The following RBM14 variants were observed in gnomAD, a reference collection of about 807,000 sequenced individuals.
RBM14 encodes RNA binding motif protein 14, also known as RNA-binding protein 14.
Under a neutral mutation model 52.8 loss-of-function variants are expected in RBM14, and 5 were observed. The ratio of observed to expected loss-of-function variants is 0.09; its 90% CI spans 0.05 to 0.20. RBM14 has a LOEUF of 0.20. RBM14 is among the 10% of genes least tolerant of loss of function. The probability of loss-of-function intolerance (pLI) is 1.00; values close to 1 mark genes in which losing one functional copy is unlikely to be tolerated. For synonymous variants in RBM14, 411 were observed against 401.8 expected, an observed-to-expected ratio of 1.02 and a Z score of -0.28; for missense variants, 780 against 926.6, an observed-to-expected ratio of 0.84 and a Z score of 2.05.
At chr11:66,622,981 C>G (rs1245744624) in intron 1 of RBM14, among the ~76,000 whole-genome samples, 1 of 152,186 alleles carries the variant, frequency 6.6e-6, no homozygotes, top group Non-Finnish European at 1.5e-5. Flanking sequence ...TGAGTGTGGA[C>G]ATGAGAATTT....
intron 1 of RBM14, 27 bp downstream of exon 1, chr11:66,617,084 G>C: frequency 6.4e-7 from 1 of 1,553,424 alleles, no homozygotes. Context: ...CTCGGGGGCG[G>C]GGGCGCGCTC....
At chr11:66,623,368 C>T (rs1859206981) in intron 1 of RBM14, among the ~76,000 whole-genome samples, 1 of 152,196 alleles carries the variant, frequency 6.6e-6, no homozygotes, top group African/African-American at 2.4e-5. Context: ...ATCTTCTCTG[C>T]TTCTAAGCCT....
chr11:66,618,109 C>G (rs1328016673), intron 1 of RBM14, among the ~76,000 whole-genome samples: 1 of 152,256 alleles, frequency 6.6e-6, no homozygotes, highest in South Asian at 2.1e-4. Context: ...GAGTTTTTAT[C>G]CCTTAAGCTC....
At chr11:66,622,368 G>T (rs756646373) in intron 1 of RBM14, among the ~76,000 whole-genome samples, 1 of 151,788 alleles carries the variant, frequency 6.6e-6, no homozygotes, top group Non-Finnish European at 1.5e-5. Context: ...TGAGTAGCTG[G>T]AATTATAGGT....
chr11:66,616,993 G>T lies in RBM14; in HGVS notation c.273G>T (p.Thr91=). 6.2e-7 allele frequency: 1 copy of T among 1,612,216 alleles called. No homozygotes were observed. Among genetic ancestry groups the T allele is most frequent in the Non-Finnish European group, 8.5e-7 (1 of 1,179,464 alleles). ...TGGGCAATGTGTCGGCTGCATGCACGAGCCAGGAACTGCGCAGCCTCTTCG... is the reference window on the plus strand; with the variant it reads ...TGGGCAATGTGTCGGCTGCATGCACTAGCCAGGAACTGCGCAGCCTCTTCG... The part of the protein sequence containing the change: ...IFVGNVSAAC[T]SQELRSLFER... Residue 91 remains threonine, a synonymous_variant, in exon 1 of 3, where the codon ACG becomes ACT. Coordinates refer to ENST00000310137, the MANE Select transcript of RBM14 (RefSeq NM_006328.4).
chr11:66,626,532 G>T lies in RBM14; in HGVS notation c.1874G>T (p.Arg625Leu), dbSNP rs1427956821. The T allele has an allele frequency of 9.3e-6, 15 of 1,613,756 alleles. No individual in the cohort carries two copies. Among genetic ancestry groups the T allele is most frequent in the Non-Finnish European group, 1.3e-5 (15 of 1,180,022 alleles). ...TTATCAGAGTCGCAGCTTTCGTTCC[G>T]CCGCTCGCCGACAAAGTCCTCGCTG... is the stretch of plus-strand genomic sequence containing the variant. Reference protein sequence around the residue: ...RRLSESQLSFRRSPTKSSLDY... With the variant: ...RRLSESQLSFLRSPTKSSLDY... The change falls in exon 3 of 3, where the codon CGC becomes CTC. Residue 625 changes from arginine (R) to leucine (L), a missense_variant. Coordinates refer to ENST00000310137, the MANE Select transcript of RBM14 (RefSeq NM_006328.4).
At chr11:66,618,057 A>G in intron 1 of RBM14, among the ~76,000 whole-genome samples, 1 of 152,168 alleles carries the variant, frequency 6.6e-6, no homozygotes. Flanking sequence ...TGTCACCATA[A>G]TTTAAGCCTG....
chr11:66,618,630 C>A (rs1388136811), intron 1 of RBM14: 2 of 712,224 alleles, frequency 2.8e-6, no homozygotes, highest in East Asian at 5.4e-5. Flanking sequence ...GGGTACTTGT[C>A]CAGCAAAAGG....
chr11:66,623,279 TGGGACA>T (rs1198879611), intron 1 of RBM14, among the ~76,000 whole-genome samples: 1 of 152,232 alleles, frequency 6.6e-6, no homozygotes, highest in Admixed American at 6.5e-5. Flanking sequence ...CAGTGTGGTC[TGGGACA>T]GGGGGATTGG....
intron 1 of RBM14, among the ~76,000 whole-genome samples, chr11:66,620,037 G>T (rs1859033610): frequency 6.6e-6 from 1 of 152,210 alleles, no homozygotes; most frequent in Admixed American, 6.5e-5. Flanking sequence ...AATTAGATCT[G>T]TGGGCAAGAA....
intron 1 of RBM14, 41 bp downstream of exon 1, chr11:66,617,098 G>T (rs1436984613): frequency 2.6e-6 from 4 of 1,544,218 alleles, no homozygotes; most frequent in Middle Eastern, 1.9e-4. Flanking sequence ...CGCGCTCGGG[G>T]CACTCTGCCT....
chr11:66,624,885 T>A lies in RBM14; in HGVS notation c.1009T>A (p.Ser337Thr), dbSNP rs1208281300. ...SLNSYGAQGS[S>T]LASYGNQPSS... ...CAACTCCTATGGGGCTCAGGGTTCC[T>A]CCCTTGCCTCCTATGGTAACCAGCC... is the stretch of plus-strand genomic sequence containing the variant. Residue 337 changes from serine (S) to threonine (T), a missense_variant, in exon 2 of 3, where the codon TCC (serine) becomes ACC (threonine). Physicochemically the swap from Ser to Thr is moderately conservative, Grantham distance 58 (BLOSUM62 1). Transcript: ENST00000310137. This position sits in a 1 kb window ranked among gnomAD's most constrained non-coding sequence, Gnocchi z 4.7. The A allele has an allele frequency of 1.2e-6, 2 of 1,613,330 alleles. No individual in the cohort carries two copies. Among genetic ancestry groups the A allele is most frequent in the East Asian group, 2.2e-5 (1 of 44,836 alleles).
At position 66,627,045 on chromosome 11, in the gene RBM14, C is replaced by CT. The variant is rs1937852121; in HGVS notation, c.*382dup. The CT allele has an allele frequency of 5.5e-6, 1 of 180,352 alleles. No individual in the cohort carries two copies. Among genetic ancestry groups the CT allele is most frequent in the Admixed American group, 5.8e-5 (1 of 17,176 alleles). The allele number at this position is 180,352 out of a possible 1,614,324, so 11.2% of individuals were successfully genotyped here. A position where few individuals can be genotyped will look rare whatever the true frequency, so the allele number is the denominator to read the frequency against. Reference sequence around the variant, plus strand: ...CAGCTGAGGTCGCCGGCGCCTTTTTCTTTTTAGATGGGAAGGAGGCCAGGA... The same window carrying CT: ...CAGCTGAGGTCGCCGGCGCCTTTTTCTTTTTTAGATGGGAAGGAGGCCAGGA... On this transcript the variant is annotated 3_prime_UTR_variant, in exon 3 of 3. Transcript: ENST00000310137.
At position 66,624,699 on chromosome 11, in the gene RBM14, G is replaced by T; in HGVS notation, c.823G>T (p.Ala275Ser). The T allele has an allele frequency of 1.2e-6, 2 of 1,613,740 alleles. No homozygotes were observed. Among genetic ancestry groups the T allele is most frequent in the East Asian group, 4.5e-5 (2 of 44,852 alleles). ...PMTAQAASYR[A>S]QPSVSLGAPY... Reference sequence around the variant, plus strand: ...GACAGCCCAGGCAGCCTCTTACCGCGCTCAGCCCTCTGTCTCCCTTGGGGC... The same window carrying T: ...GACAGCCCAGGCAGCCTCTTACCGCTCTCAGCCCTCTGTCTCCCTTGGGGC... Residue 275 changes from alanine to serine, a missense_variant, in exon 2 of 3, where the codon GCT becomes TCT. Physicochemically the swap from Ala to Ser is moderately conservative, Grantham distance 99. Coordinates refer to ENST00000310137, the MANE Select transcript of RBM14 (RefSeq NM_006328.4). This position sits in a 1 kb window ranked among gnomAD's most constrained non-coding sequence, Gnocchi z 4.7.
In RBM14 at chr11:66,616,936, C is replaced by T. The variant is rs752166709; in HGVS notation, c.216C>T (p.Arg72=). 1.2e-6 allele frequency: 2 copies of T among 1,612,358 alleles called. No individual in the cohort carries two copies. Among genetic ancestry groups the T allele is most frequent in the Non-Finnish European group, 1.7e-6 (2 of 1,179,580 alleles). The stretch of plus-strand genomic sequence containing the variant: ...GCGCGCTCGTGGTGGAGATGTCGCG[C>T]CCAAGGCCTCTTAATACTTGGAAGA... ...PGRALVVEMS[R]PRPLNTWKIF... The change falls in exon 1 of 3, where the codon CGC becomes CGT. Residue 72 remains arginine (R), a synonymous_variant. Coordinates refer to ENST00000310137, the MANE Select transcript of RBM14 (RefSeq NM_006328.4).
chr11:66,623,752 C>CG (rs1391084753), intron 1 of RBM14: 7 of 640,064 alleles, frequency 1.1e-5, no homozygotes, highest in Non-Finnish European at 2.0e-5. Context: ...CATACCAAAA[C>CG]GTGAGTGGTC....
At chr11:66,621,829 C>T (rs948529022) in intron 1 of RBM14, among the ~76,000 whole-genome samples, 16 of 152,162 alleles carry the variant, frequency 1.1e-4, no homozygotes, top group Admixed American at 2.6e-4. Context: ...CTGTTCATAT[C>T]TTACAAGGCA....
intron 2 of RBM14, 105 bp from the exon 3 acceptor site, chr11:66,626,356 C>A: frequency 1.8e-6 from 2 of 1,131,774 alleles, no homozygotes; most frequent in African/African-American, 1.5e-5. Context: ...TCTTGGAGAC[C>A]ACTGTGATCA....
At chr11:66,618,177 C>G (rs543965477) in intron 1 of RBM14, among the ~76,000 whole-genome samples, 82 of 152,188 alleles carry the variant, frequency 5.4e-4, no homozygotes, top group Non-Finnish European at 1.0e-3. Flanking sequence ...TGGCCAGTCT[C>G]TGCTCCACTT....
Sources: gnomAD v4.1 joint callset for allele counts (sites outside exome capture counted in the v4.1 genomes callset) on GRCh38, gnomAD v4.1.1 for gene constraint, Gnocchi (gnomAD v3.1) non-coding constraint, MANE v1.5 for transcripts, NCBI Gene and HGNC (gene_info 2026-07-23, HGNC 2026-07-21) for gene names.